ZMYM6: variants seen among roughly 807,000 people sequenced by gnomAD.
The protein encoded by ZMYM6 is zinc finger MYM-type protein 6.
A neutral mutation model predicts 134.0 loss-of-function variants in ZMYM6; 90 were observed. The ratio of observed to expected loss-of-function variants is 0.67; its 90% confidence interval spans 0.57 to 0.80. The LOEUF (loss-of-function observed/expected upper bound fraction) is 0.80. ZMYM6 is among the 30% of genes least tolerant of loss of function. ZMYM6 has a pLI of 0.00. For missense variants in ZMYM6, 1,362 were observed against 1,533.9 expected, an observed-to-expected ratio of 0.89 and a Z score of 1.87; for synonymous variants, 481 against 524.1, an observed-to-expected ratio of 0.92 and a Z score of 1.12.
intron 2 of ZMYM6, among the ~76,000 whole-genome samples, chr1:35,026,086 T>C (rs1482813262): frequency 5.3e-5 from 8 of 152,094 alleles, no homozygotes; most frequent in African/African-American, 1.9e-4. Context: ...AGTGGCGCAA[T>C]CTCAGTTCAC....
At chr1:35,013,825 G>T (rs1641132855) in intron 6 of ZMYM6, 2 of 240,478 alleles carry the variant, frequency 8.3e-6, no homozygotes, top group Non-Finnish European at 1.3e-5. Context: ...CTGAGTAGCT[G>T]GGATTACAGG....
rs138431961 is a variant in ZMYM6 at position 35,019,220 on chromosome 1, T to C, written c.428+133A>G. 1.0e-4 allele frequency: 136 copies of C among 1,318,138 alleles called. 2 individuals carry two copies. The African/African-American group carries it at 1.5e-3, about 15-fold the overall frequency. 81.7% of individuals were successfully genotyped at this position (1,318,138 alleles called of 1,614,324 possible). On this transcript the variant is annotated intron_variant, in intron 4 of 15. Coordinates refer to ENST00000357182, the MANE Select transcript of ZMYM6 (RefSeq NM_007167.4). Reference sequence around the variant, plus strand: ...TTGCAAAACTTTAAAATTGGTGAATTCTTCCATTAACTAAAAAGTTATTTC... The same window carrying C: ...TTGCAAAACTTTAAAATTGGTGAATCCTTCCATTAACTAAAAAGTTATTTC...
intron 7 of ZMYM6, 27 bp downstream of exon 7, chr1:35,012,404 T>C: frequency 6.9e-7 from 1 of 1,448,214 alleles, no homozygotes; most frequent in Middle Eastern, 2.0e-4. Flanking sequence ...TTATTAAATC[T>C]ATAAATTTAT....
intron 15 of ZMYM6, chr1:34,989,400 A>G (rs568732940): frequency 1.0e-3 from 281 of 281,088 alleles, no homozygotes; most frequent in Middle Eastern, 3.6e-3. Context: ...AGAAGAAGAA[A>G]AAAAATTGGC....
intron 1 of ZMYM6, 153 bp from the exon 2 acceptor site, chr1:35,030,866 G>A: frequency 3.9e-6 from 2 of 515,930 alleles, no homozygotes; most frequent in South Asian, 5.5e-5. Flanking sequence ...CCTGCTTTCT[G>A]TTCCTTCAGT....
Position 35,030,555 on chromosome 1 carries a change from TGTCTG to T in ZMYM6, c.80_84del (p.Pro27GlnfsTer17), listed in dbSNP as rs1196210129. On this transcript the variant is annotated frameshift_variant, in exon 2 of 16. Transcript: ENST00000357182. LOFTEE classifies it high-confidence loss of function. ...GAAGATGAAATGCTTACTTGAGCAT[TGTCTG>T]GTTCTTCTTTAATTTTGTCCAGAAG... is the stretch of plus-strand genomic sequence containing the variant. The T allele has an allele frequency of 6.2e-7, 1 of 1,610,080 alleles. No homozygotes were observed. The highest frequency in any genetic ancestry group is 8.5e-7 in the Non-Finnish European group (1 of 1,179,348).
chr1:35,012,926 T>C (rs1641111689), intron 6 of ZMYM6: 2 of 985,146 alleles, frequency 2.0e-6, no homozygotes, highest in Non-Finnish European at 1.2e-6. Context: ...TGGTATAGTC[T>C]TGTACATCAA....
At chr1:34,988,977 T>G in intron 15 of ZMYM6, 42 bp from the exon 16 acceptor site, 1 of 1,583,168 alleles carries the variant, frequency 6.3e-7, no homozygotes, top group Non-Finnish European at 8.5e-7. Context: ...CAAGAACAAA[T>G]AAGCAATGTT....
At chr1:35,010,631 TA>T in intron 9 of ZMYM6, 34 bp from the exon 10 acceptor site, 2 of 1,574,884 alleles carry the variant, frequency 1.3e-6, no homozygotes, top group Non-Finnish European at 1.7e-6. Flanking sequence ...AAGAGCCAAC[TA>T]AACAGTTGCT....
intron 6 of ZMYM6, chr1:35,013,674 C>T (rs1641129409): frequency 2.0e-6 from 2 of 984,600 alleles, no homozygotes; most frequent in Non-Finnish European, 2.4e-6. Flanking sequence ...TTACAAGATA[C>T]ATCTTTGTTT....
rs545951715 is a variant in ZMYM6 at position 34,988,275 on chromosome 1, C to T, written c.2807G>A (p.Arg936His). Residue 936 changes from arginine to histidine, a missense_variant, in exon 16 of 16, where the codon CGT becomes CAT. Coordinates refer to ENST00000357182, the MANE Select transcript of ZMYM6 (RefSeq NM_007167.4). ...AAATAATAATTCTTCTTTTACATCA[C>T]GACAATCATAATCAATGAAACGAAT... The part of the protein sequence containing the change: ...CYIRFIDYDC[R>H]DVKEELLFCI... 4.1e-5 allele frequency: 64 copies of T among 1,550,538 alleles called. 1 individual carries two copies. In the South Asian group the frequency reaches 5.4e-4, roughly 13 times the overall value.
chr1:35,021,517 G>A (rs1569790770), intron 2 of ZMYM6, among the ~76,000 whole-genome samples: 1 of 152,084 alleles, frequency 6.6e-6, no homozygotes, highest in East Asian at 1.9e-4. Flanking sequence ...CTACCCAGGA[G>A]GCTGAGGCAG....
intron 8 of ZMYM6, 64 bp downstream of exon 8, chr1:35,011,826 A>T: frequency 8.5e-7 from 1 of 1,173,002 alleles, no homozygotes; most frequent in Non-Finnish European, 1.2e-6. Context: ...TTCAGCAGTT[A>T]ACACTGTGCC....
chr1:35,015,072 AGATGACAAGCAT>A lies in ZMYM6; in HGVS notation c.507_518del (p.Cys170_Ser173del), dbSNP rs1641156390. 6.2e-7 allele frequency: 1 copy of A among 1,614,098 alleles called. No individual in the cohort carries two copies. Among genetic ancestry groups the A allele is most frequent in the Non-Finnish European group, 8.5e-7 (1 of 1,179,992 alleles). On this transcript the variant is annotated inframe_deletion, in exon 5 of 16. Coordinates refer to ENST00000357182, the MANE Select transcript of ZMYM6 (RefSeq NM_007167.4). ...CAACAGGTTTTTTCTTTAGCTCATA[AGATGACAAGCAT>A]GATTGGCTGCAGAAATCTTTGCTAG...
At chr1:35,030,837 A>G (rs1025752574) in intron 1 of ZMYM6, 124 bp from the exon 2 acceptor site, 3 of 547,486 alleles carry the variant, frequency 5.5e-6, no homozygotes, top group African/African-American at 4.0e-5. Context: ...TGGGGCCACA[A>G]CTAACTTTTT....
Position 35,005,098 on chromosome 1 carries a change from T to C in ZMYM6, c.1954+34A>G, listed in dbSNP as rs1000878339. The stretch of plus-strand genomic sequence containing the variant: ...TTAGGCTAGACAACACTCACTTCTA[T>C]GGCTTAGCCAAATGCCATTATATCA... On this transcript the variant is annotated intron_variant, in intron 13 of 15. Coordinates refer to ENST00000357182, the MANE Select transcript of ZMYM6 (RefSeq NM_007167.4). The C allele has an allele frequency of 3.1e-6, 5 of 1,612,272 alleles. No homozygotes were observed. In the African/African-American group the frequency reaches 5.3e-5, roughly 17 times the overall value.
Position 34,987,059 on chromosome 1 carries a change from T to G in ZMYM6, c.*45A>C. 1 of 1,331,228 alleles carries G rather than the reference T, an allele frequency of 7.5e-7. No individual in the cohort carries two copies. The allele number at this position is 1,331,228 out of a possible 1,614,324, so 82.5% of individuals were successfully genotyped here. ...ATCTTTTAGGATACTTATACAAAAC[T>G]TAACACAGGATTATTGACTTCACTG... On this transcript the variant is annotated 3_prime_UTR_variant, in exon 16 of 16. Transcript: ENST00000357182.
chr1:35,014,818 T>G lies in ZMYM6; in HGVS notation c.674A>C (p.His225Pro), dbSNP rs771758336. 2 of 1,614,002 alleles carry G rather than the reference T, an allele frequency of 1.2e-6. No individual in the cohort carries two copies. The highest frequency in any genetic ancestry group is 1.7e-6 in the Non-Finnish European group (2 of 1,180,040). The stretch of plus-strand genomic sequence containing the variant: ...GTTCATGGTGAGGTTGTTTGTAGAG[T>G]GAAATTTTGAAAAACAGGCATCACT... ...LCSDACFSKF[H>P]STNNLTMNCC... The change falls in exon 6 of 16, where the codon CAC (histidine) becomes CCC (proline). Residue 225 changes from histidine to proline, a missense_variant. Physicochemically the swap from His to Pro is moderately conservative, Grantham distance 77 (BLOSUM62 -2). Transcript: ENST00000357182.
intron 10 of ZMYM6, among the ~76,000 whole-genome samples, chr1:35,009,863 G>A (rs1314377216): frequency 6.6e-6 from 1 of 152,056 alleles, no homozygotes; most frequent in Non-Finnish European, 1.5e-5. Context: ...TTAAACCGGG[G>A]AGGCAGAGAC....
Sources: gnomAD v4.1 joint callset for allele counts (sites outside exome capture counted in the v4.1 genomes callset) on GRCh38, gnomAD v4.1.1 for gene constraint, MANE v1.5 for transcripts, NCBI Gene and HGNC (gene_info 2026-07-23, HGNC 2026-07-21) for gene names.